Variants in PGBD5 observed in about 807,000 individuals in gnomAD.
PGBD5 encodes the protein piggyBac transposable element-derived protein 5.
Under a neutral mutation model 47.9 loss-of-function variants are expected in PGBD5, and 14 were observed. The observed-to-expected ratio is 0.29, with a 90% CI of 0.19 to 0.46. The LOEUF (loss-of-function observed/expected upper bound fraction) is 0.46, where lower values mean the gene tolerates loss of function less well. Among genes scored for constraint, PGBD5 ranks in the 20% least tolerant of loss-of-function variants. The probability of loss-of-function intolerance (pLI) is 1.00; values close to 1 mark genes in which losing one functional copy is unlikely to be tolerated. For missense variants in PGBD5, 635 were observed against 716.0 expected, an observed-to-expected ratio of 0.89 and a Z score of 1.29; for synonymous variants, 316 against 306.3, an observed-to-expected ratio of 1.03 and a Z score of -0.33.
chr1:230,362,172 G>C, intron 1 of PGBD5: 1 of 1,247,096 alleles, frequency 8.0e-7, no homozygotes, highest in Non-Finnish European at 1.0e-6. Flanking sequence ...ACTTCAGCAG[G>C]CTCACTCTGC....
rs531314431 is a variant in PGBD5, at chr1:230,357,750, C to T, written c.332-429G>A. On this transcript the variant is annotated intron_variant, in intron 1 of 6. Coordinates refer to ENST00000391860, the MANE Select transcript of PGBD5 (RefSeq NM_001258311.2). This position sits in a 1 kb window ranked among gnomAD's most constrained non-coding sequence, Gnocchi z 5.7. ...AGTTTCACACACTCGGGGCACAAGC[C>T]GAGTCTTAACTAGAGATGTACACAC... is the stretch of plus-strand genomic sequence containing the variant. Among the ~76,000 whole-genome samples the T allele has an allele frequency of 3.4e-4, 51 of 152,094 alleles. No individual in the cohort carries two copies. The highest frequency in any genetic ancestry group is 1.2e-3 in the African/African-American group (48 of 41,458).
At position 230,413,252 on chromosome 1, in the gene PGBD5, C is replaced by T. The variant is rs138697598; in HGVS notation, c.331+12346G>A. On this transcript the variant is annotated intron_variant, in intron 1 of 6. Transcript: ENST00000391860. ...CGCTCAGAACTCAGGCACAGCCATC[C>T]ACACTCCCACCCGGAACCAGACTCC... is the stretch of plus-strand genomic sequence containing the variant. 3.4e-3 allele frequency among the ~76,000 whole-genome samples: 525 copies of T among 152,222 alleles called. 3 individuals carry two copies. The highest frequency in any genetic ancestry group is 0.011 in the African/African-American group (477 of 41,520).
At chr1:230,326,436 T>C (rs575020527) in intron 5 of PGBD5, among the ~76,000 whole-genome samples, 2 of 151,952 alleles carry the variant, frequency 1.3e-5, no homozygotes, top group Non-Finnish European at 2.9e-5. Context: ...AAATAAAAAA[T>C]AAAAAAGCAA....
intron 1 of PGBD5, among the ~76,000 whole-genome samples, chr1:230,387,468 G>A (rs973095207): frequency 6.6e-6 from 1 of 152,230 alleles, no homozygotes; most frequent in African/African-American, 2.4e-5. Flanking sequence ...GCCTCACTGA[G>A]CTGTCTGTGC....
Position 230,316,049 on chromosome 1 carries a change from C to T in PGBD5, c.*7376G>A, listed in dbSNP as rs201192710. On this transcript the variant is annotated 3_prime_UTR_variant, in exon 7 of 7. Coordinates refer to ENST00000391860, the MANE Select transcript of PGBD5 (RefSeq NM_001258311.2). Reference sequence around the variant, plus strand: ...GTATACATACATAAGTATATGTGTACACATATATGTATGTGTATACATACA... The same window carrying T: ...GTATACATACATAAGTATATGTGTATACATATATGTATGTGTATACATACA... The T allele has an allele frequency of 3.9e-4, 44 of 111,506 alleles. No homozygotes were observed. Among genetic ancestry groups the T allele is most frequent in the East Asian group, 1.4e-3 (3 of 2,116 alleles). 6.9% of individuals were successfully genotyped at this position (111,506 alleles called of 1,614,324 possible).
intron 1 of PGBD5, among the ~76,000 whole-genome samples, chr1:230,373,477 A>G (rs1051076502): frequency 2.6e-5 from 4 of 152,190 alleles, no homozygotes; most frequent in Non-Finnish European, 2.9e-5. Context: ...TGGGGCTGCC[A>G]TGCTCAGTGG....
intron 1 of PGBD5, among the ~76,000 whole-genome samples, chr1:230,403,028 G>A (rs1014884167): frequency 3.9e-5 from 6 of 152,240 alleles, no homozygotes; most frequent in South Asian, 2.1e-4. Flanking sequence ...GCTGCCCATC[G>A]GTGTGTAATT....
chr1:230,425,686 G>C lies in PGBD5; in HGVS notation c.243C>G (p.Asp81Glu). ...GAAPPPPRAP[D>E]AQEPEEDEAG... ...CCTCGTCCTCCTCCGGCTCCTGTGC[G>C]TCCGGGGCGCGGGGCGGTGGCGGGG... is the stretch of plus-strand genomic sequence containing the variant. The change falls in exon 1 of 7, where the codon GAC becomes GAG. Residue 81 changes from aspartate to glutamate, a missense_variant. Asp to Glu is a conservative substitution (Grantham distance 45, BLOSUM62 2). Transcript: ENST00000391860. This position sits in a 1 kb window ranked among gnomAD's most constrained non-coding sequence, Gnocchi z 4.7. The C allele has an allele frequency of 8.2e-7, 1 of 1,217,418 alleles. No homozygotes were observed. The highest frequency in any genetic ancestry group is 4.1e-5 in the South Asian group (1 of 24,206). The allele number at this position is 1,217,418 out of a possible 1,614,324, so 75.4% of individuals were successfully genotyped here. A position where few individuals can be genotyped will look rare whatever the true frequency, so the allele number is the denominator to read the frequency against.
intron 1 of PGBD5, among the ~76,000 whole-genome samples, chr1:230,381,546 C>T (rs1167337429): frequency 1.3e-5 from 2 of 152,244 alleles, no homozygotes; most frequent in African/African-American, 2.4e-5. Flanking sequence ...CTTACCCCAT[C>T]CCTGCCTGAG....
intron 1 of PGBD5, among the ~76,000 whole-genome samples, chr1:230,414,668 C>T (rs901317914): frequency 7.9e-5 from 12 of 152,154 alleles, no homozygotes; most frequent in Admixed American, 7.2e-4. Flanking sequence ...CACCCCAGCT[C>T]GCCTAAGAAA....
rs1667040677 is a variant in PGBD5 at position 230,322,071 on chromosome 1, G to C, written c.*1354C>G. 6.6e-6 allele frequency: 1 copy of C among 152,232 alleles called. No individual in the cohort carries two copies. Among genetic ancestry groups the C allele is most frequent in the Admixed American group, 6.5e-5 (1 of 15,286 alleles). The allele number at this position is 152,232 out of a possible 1,614,324, so 9.4% of individuals were successfully genotyped here. A position where few individuals can be genotyped will look rare whatever the true frequency, so the allele number is the denominator to read the frequency against. ...TGGTTACATCAACTGGGTTGAAGGG[G>C]GACTGGGTAATCCCAGAAATTCCTT... is the stretch of plus-strand genomic sequence containing the variant. On this transcript the variant is annotated 3_prime_UTR_variant, in exon 7 of 7. Transcript: ENST00000391860. This position sits in a 1 kb window ranked among gnomAD's most constrained non-coding sequence, Gnocchi z 5.9.
At chr1:230,420,587 C>T (rs1036108388) in intron 1 of PGBD5, among the ~76,000 whole-genome samples, 5 of 152,152 alleles carry the variant, frequency 3.3e-5, no homozygotes, top group Non-Finnish European at 7.3e-5. Context: ...GATCTGATGG[C>T]TTTATAAGCA....
chr1:230,356,792 A>G, intron 2 of PGBD5, 102 bp downstream of exon 2: 6 of 1,245,112 alleles, frequency 4.8e-6, no homozygotes, highest in Admixed American at 2.3e-5. Context: ...CTCAGAGGGC[A>G]GGCAGGGCAG....
Position 230,321,374 on chromosome 1 carries a change from G to T in PGBD5, c.*2051C>A. 6.6e-6 allele frequency: 1 copy of T among 152,198 alleles called. No individual in the cohort carries two copies. The highest frequency in any genetic ancestry group is 2.1e-4 in the South Asian group (1 of 4,820). 9.4% of individuals were successfully genotyped at this position (152,198 alleles called of 1,614,324 possible). ...TGTTTTTTTTCTTGATACAGGGTCTGGCTCTGTCACCCAGGCTGGAGTGCA... is the reference window on the plus strand; with the variant it reads ...TGTTTTTTTTCTTGATACAGGGTCTTGCTCTGTCACCCAGGCTGGAGTGCA... On this transcript the variant is annotated 3_prime_UTR_variant, in exon 7 of 7. Coordinates refer to ENST00000391860, the MANE Select transcript of PGBD5 (RefSeq NM_001258311.2).
intron 1 of PGBD5, among the ~76,000 whole-genome samples, chr1:230,392,417 T>C (rs570237737): frequency 1.3e-5 from 2 of 152,372 alleles, no homozygotes; most frequent in South Asian, 4.1e-4. Flanking sequence ...CAGGCTTTGA[T>C]GACAGGCCTG....
At chr1:230,408,918 A>G (rs1270295236) in intron 1 of PGBD5, among the ~76,000 whole-genome samples, 1 of 152,178 alleles carries the variant, frequency 6.6e-6, no homozygotes, top group Non-Finnish European at 1.5e-5. Flanking sequence ...TGAAAAGACA[A>G]CCCACTAAAT....
Position 230,323,429 on chromosome 1 carries a change from T to G in PGBD5, c.1571A>C (p.His524Pro), listed in dbSNP as rs764255321. Residue 524 changes from histidine to proline, a missense_variant, in exon 7 of 7, where the codon CAC becomes CCC. Physicochemically the swap from His to Pro is moderately conservative, Grantham distance 77. Coordinates refer to ENST00000391860, the MANE Select transcript of PGBD5 (RefSeq NM_001258311.2). The surrounding 1 kb of genome is among the most constrained non-coding windows in gnomAD (Gnocchi z 4.1). ...CCGAGTCCTGCGCCCCCAGCATCAG[T>G]GGGTCGGAGAGGCATCCTCCAAGCC... ...LLGLEDASPT[H>P] 6.2e-7 allele frequency: 1 copy of G among 1,612,634 alleles called. No homozygotes were observed. The highest frequency in any genetic ancestry group is 1.1e-5 in the South Asian group (1 of 90,818).
chr1:230,400,161 C>T (rs1657102220), intron 1 of PGBD5, among the ~76,000 whole-genome samples: 1 of 152,228 alleles, frequency 6.6e-6, no homozygotes. Flanking sequence ...GCCCACCAGG[C>T]ACACTCCTGC....
chr1:230,415,363 T>G (rs1435643031), intron 1 of PGBD5, among the ~76,000 whole-genome samples: 8 of 151,882 alleles, frequency 5.3e-5, no homozygotes, highest in Non-Finnish European at 1.0e-4. Context: ...CCCAGAAAAA[T>G]CTCCCTGTAT....
Sources: gnomAD v4.1 joint callset for allele counts (sites outside exome capture counted in the v4.1 genomes callset) on GRCh38, gnomAD v4.1.1 for gene constraint, Gnocchi (gnomAD v3.1) non-coding constraint, MANE v1.5 for transcripts, NCBI Gene and HGNC (gene_info 2026-07-23, HGNC 2026-07-21) for gene names.